DENND4C: variants seen among roughly 807,000 people sequenced by gnomAD.
DENND4C encodes DENN domain containing 4C.
Under a neutral mutation model 203.0 loss-of-function variants are expected in DENND4C, and 108 were observed. The ratio of observed to expected loss-of-function variants is 0.53; its 90% confidence interval spans 0.46 to 0.62. The LOEUF (loss-of-function observed/expected upper bound fraction) is 0.62. Ranked by LOEUF, DENND4C falls within the 20% of genes least tolerant of loss-of-function variation. DENND4C has a pLI of 0.00. For synonymous variants in DENND4C, 871 were observed against 792.4 expected (o/e 1.10, Z -1.67); for missense variants, 2,481 against 2,301.2 (o/e 1.08, Z -1.60).
In DENND4C at chr9:19,370,454, C is replaced by CA. The variant is rs202144404; in HGVS notation, c.5675+480dup. On this transcript the variant is annotated intron_variant, in intron 31 of 32. Transcript: ENST00000434457. ...GGGTGACAACAGCAAAACCCTGTCTCAAAAAAAAAAAAAGAGTGGAAATAG... is the reference window on the plus strand; with the variant it reads ...GGGTGACAACAGCAAAACCCTGTCTCAAAAAAAAAAAAAAGAGTGGAAATAG... Among the ~76,000 whole-genome samples, 240 of 128,564 alleles carry CA rather than the reference C, an allele frequency of 1.9e-3. 3 individuals are homozygous for CA. Among genetic ancestry groups the CA allele is most frequent in the South Asian group, 0.016 (64 of 4,056 alleles). The allele number at this position is 128,564 out of a possible 152,430, so 84.3% of individuals were successfully genotyped here.
rs1393377291 is a variant in DENND4C at position 19,272,907 on chromosome 9, T to A, written c.-17-3251T>A. The stretch of plus-strand genomic sequence containing the variant: ...CTCAGCCTCCTGAGTAGCTGGGATT[T>A]CAGGCACATGCCACTACGCCTGGCT... On this transcript the variant is annotated intron_variant, in intron 1 of 32. Transcript: ENST00000434457. Among the ~76,000 whole-genome samples, 472 of 149,792 alleles carry A rather than the reference T, an allele frequency of 3.2e-3. 8 individuals are homozygous for A. Among genetic ancestry groups the A allele is most frequent in the African/African-American group, 0.011 (438 of 40,256 alleles).
At chr9:19,311,548 A>G (rs754196824) in intron 10 of DENND4C, among the ~76,000 whole-genome samples, 1 of 152,176 alleles carries the variant, frequency 6.6e-6, no homozygotes, top group Admixed American at 6.5e-5. Flanking sequence ...TAAATATTCT[A>G]TGTGAAAGAG....
chr9:19,356,863 A>G (rs936050456), intron 26 of DENND4C, 109 bp from the exon 27 acceptor site: 46 of 1,061,036 alleles, frequency 4.3e-5, no homozygotes, highest in Admixed American at 1.2e-4. Flanking sequence ...TGGATTATAT[A>G]TAATTTTATT....
At chr9:19,266,289 A>C (rs1830484997) in intron 1 of DENND4C, among the ~76,000 whole-genome samples, 1 of 151,966 alleles carries the variant, frequency 6.6e-6, no homozygotes, top group Admixed American at 6.6e-5. Flanking sequence ...TCCTTCACCC[A>C]CTTTTTGATG....
At chr9:19,248,940 G>A (rs1401057750) in intron 1 of DENND4C, among the ~76,000 whole-genome samples, 1 of 151,932 alleles carries the variant, frequency 6.6e-6, no homozygotes, top group Non-Finnish European at 1.5e-5. Flanking sequence ...ACAGGCGTGA[G>A]CCACTACGGC....
intron 1 of DENND4C, among the ~76,000 whole-genome samples, chr9:19,246,577 C>T (rs1024881535): frequency 4.0e-5 from 6 of 151,842 alleles, no homozygotes; most frequent in Non-Finnish European, 8.8e-5. Context: ...TTAAGTATTG[C>T]ACATAGTGTT....
chr9:19,294,374 C>T (rs1836990980), intron 5 of DENND4C, among the ~76,000 whole-genome samples: 1 of 152,030 alleles, frequency 6.6e-6, no homozygotes, highest in Non-Finnish European at 1.5e-5. Flanking sequence ...AGAGGAGTGT[C>T]AGCTTTATCT....
chr9:19,328,579 C>T (rs1435796892), intron 16 of DENND4C, among the ~76,000 whole-genome samples: 3 of 152,048 alleles, frequency 2.0e-5, no homozygotes, highest in Admixed American at 6.6e-5. Context: ...TGCCACTGCA[C>T]TCCAGCCTGG....
At chr9:19,236,223 T>G (rs1345028406) in intron 1 of DENND4C, among the ~76,000 whole-genome samples, 1 of 152,116 alleles carries the variant, frequency 6.6e-6, no homozygotes, top group Non-Finnish European at 1.5e-5. Context: ...ACTAGTAAGG[T>G]CTAATAGGTT....
Position 19,290,889 on chromosome 9 carries a change from C to T in DENND4C, c.801+13C>T. 1 of 1,605,948 alleles carries T rather than the reference C, an allele frequency of 6.2e-7. No individual in the cohort carries two copies. The highest frequency in any genetic ancestry group is 8.5e-7 in the Non-Finnish European group (1 of 1,176,082). On this transcript the variant is annotated intron_variant, in intron 5 of 32. Transcript: ENST00000434457. Reference sequence around the variant, plus strand: ...TTCAGCCAAAAAGGTATGTTTTTGTCTCATTGATTAAACACATTTTGTCCA... The same window carrying T: ...TTCAGCCAAAAAGGTATGTTTTTGTTTCATTGATTAAACACATTTTGTCCA...
intron 25 of DENND4C, 70 bp downstream of exon 25, chr9:19,352,252 C>T: frequency 2.1e-6 from 3 of 1,423,568 alleles, no homozygotes. Context: ...TGGCATTTAA[C>T]AGGATTCTAA....
chr9:19,357,232 C>G (rs36178701), intron 27 of DENND4C, 78 bp downstream of exon 27: 172,945 of 1,429,458 alleles, frequency 0.12, 12,454 homozygotes, highest in African/African-American at 0.3. Flanking sequence ...TAAAGACAAC[C>G]TGACTCATAT....
chr9:19,305,767 A>G (rs1157487622), intron 10 of DENND4C, among the ~76,000 whole-genome samples: 1 of 152,168 alleles, frequency 6.6e-6, no homozygotes. Flanking sequence ...TAAGCAGGAG[A>G]TATTTATGTT....
At chr9:19,265,678 C>T (rs1830349513) in intron 1 of DENND4C, among the ~76,000 whole-genome samples, 1 of 152,098 alleles carries the variant, frequency 6.6e-6, no homozygotes, top group Non-Finnish European at 1.5e-5. Context: ...TGTTCAATTC[C>T]CACCTATAAG....
Position 19,352,081 on chromosome 9 carries a change from C to A in DENND4C, c.4504C>A (p.Pro1502Thr). ...TGTATATTCCTTTGTAGGTGAAGTT[C>A]CATTTCCAAGAGGCATGAAAGGGCA... ...GKLHYPTGEV[P>T]FPRGMKGQDF... Residue 1502 changes from proline to threonine, a missense_variant, in exon 25 of 33, where the codon CCA (proline) becomes ACA (threonine). Physicochemically the swap from Pro to Thr is conservative, Grantham distance 38. Transcript: ENST00000434457. The A allele has an allele frequency of 1.9e-6, 3 of 1,613,476 alleles. No homozygotes were observed. The East Asian group carries it at 6.7e-5, about 36-fold the overall frequency.
chr9:19,233,053 A>G (rs1820980436), intron 1 of DENND4C, among the ~76,000 whole-genome samples: 2 of 150,672 alleles, frequency 1.3e-5, no homozygotes, highest in South Asian at 4.2e-4. Context: ...AAAAAAAAAG[A>G]AAAATTGAAA....
intron 1 of DENND4C, among the ~76,000 whole-genome samples, chr9:19,255,447 C>T (rs1827712797): frequency 6.6e-6 from 1 of 151,892 alleles, no homozygotes; most frequent in African/African-American, 2.4e-5. Context: ...CATCAAAATA[C>T]TGTTATCTAC....
chr9:19,315,215 A>G (rs1463317985), intron 10 of DENND4C, among the ~76,000 whole-genome samples: 2 of 150,562 alleles, frequency 1.3e-5, no homozygotes, highest in African/African-American at 4.9e-5. Flanking sequence ...TACCAGTTTT[A>G]TTTGGAAGTT....
At chr9:19,319,343 T>C (rs1476474407) in intron 12 of DENND4C, among the ~76,000 whole-genome samples, 27 of 55,300 alleles carry the variant, frequency 4.9e-4, no homozygotes, top group African/African-American at 1.2e-3. Flanking sequence ...TATACACATA[T>C]ATATATACTT....
Sources: gnomAD v4.1 joint callset for allele counts (sites outside exome capture counted in the v4.1 genomes callset) on GRCh38, gnomAD v4.1.1 for gene constraint, MANE v1.5 for transcripts, NCBI Gene and HGNC (gene_info 2026-07-23, HGNC 2026-07-21) for gene names.